The following AATF variants were observed in gnomAD, a reference collection of about 807,000 sequenced individuals.
The protein encoded by AATF is apoptosis antagonizing transcription factor.
In AATF, 48 loss-of-function variants were observed where a neutral mutation model predicts 63.7. The ratio of observed to expected loss-of-function variants is 0.75; its 90% CI spans 0.60 to 0.96. The LOEUF (loss-of-function observed/expected upper bound fraction) is 0.96. Among genes scored for constraint, AATF ranks in the 40% least tolerant of loss-of-function variants. The probability of loss-of-function intolerance (pLI) is 0.00; values close to 1 mark genes in which losing one functional copy is unlikely to be tolerated. For synonymous variants in AATF, 258 were observed against 247.7 expected (o/e 1.04, Z -0.39); for missense variants, 639 against 685.7 (o/e 0.93, Z 0.76).
chr17:36,998,388 T>C (rs536673365), intron 8 of AATF, among the ~76,000 whole-genome samples: 2 of 152,318 alleles, frequency 1.3e-5, no homozygotes, highest in East Asian at 3.9e-4. Context: ...CTTAGTGAAA[T>C]AGGACATTGA....
intron 10 of AATF, among the ~76,000 whole-genome samples, chr17:37,025,809 C>T (rs2071506532): frequency 6.6e-6 from 1 of 152,066 alleles, no homozygotes; most frequent in Non-Finnish European, 1.5e-5. Flanking sequence ...AGGGAAGCCC[C>T]ACAGTAATAA....
At chr17:37,051,149 C>T (rs2071745252) in intron 11 of AATF, 1 of 152,158 alleles carries the variant, frequency 6.6e-6, no homozygotes, top group Admixed American at 6.5e-5. Flanking sequence ...AATACTTGCT[C>T]GGAGACCATG....
intron 11 of AATF, among the ~76,000 whole-genome samples, chr17:37,042,308 T>C (rs2071647253): frequency 6.6e-6 from 1 of 152,070 alleles, no homozygotes; most frequent in Non-Finnish European, 1.5e-5. Flanking sequence ...CATCTGAATT[T>C]TTTTTCTTTT....
At chr17:37,004,381 G>A (rs2071326074) in intron 8 of AATF, among the ~76,000 whole-genome samples, 1 of 152,170 alleles carries the variant, frequency 6.6e-6, no homozygotes, top group Non-Finnish European at 1.5e-5. Context: ...AGTATAGACA[G>A]CTTTGAGGAG....
chr17:37,029,680 C>T (rs1437804816), intron 10 of AATF, among the ~76,000 whole-genome samples: 1 of 152,166 alleles, frequency 6.6e-6, no homozygotes, highest in African/African-American at 2.4e-5. Context: ...TTTCTCCTGC[C>T]TCAGCCTCCC....
intron 5 of AATF, among the ~76,000 whole-genome samples, chr17:36,987,511 T>C (rs1359950139): frequency 1.3e-5 from 2 of 152,224 alleles, no homozygotes; most frequent in Non-Finnish European, 2.9e-5. Flanking sequence ...ACCTGCTGTA[T>C]ATACCTGCTT....
At chr17:37,024,944 G>A (rs572338922) in intron 10 of AATF, among the ~76,000 whole-genome samples, 2 of 152,104 alleles carry the variant, frequency 1.3e-5, no homozygotes, top group African/African-American at 4.8e-5. Flanking sequence ...GAGTCACAGA[G>A]CGAGACCCTG....
intron 11 of AATF, chr17:37,056,353 AACTTACAGAAC>A: frequency 2.0e-6 from 1 of 494,316 alleles, no homozygotes; most frequent in Non-Finnish European, 3.6e-6. Flanking sequence ...GCAAAGGGCA[AACTTACAGAAC>A]ACTCATTCCC....
chr17:37,043,882 T>G (rs916918932), intron 11 of AATF, among the ~76,000 whole-genome samples: 14 of 152,178 alleles, frequency 9.2e-5, no homozygotes, highest in African/African-American at 3.4e-4. Flanking sequence ...TCTTTTTAAT[T>G]TTTTAATTTC....
chr17:37,011,035 G>A (rs1055533713), intron 8 of AATF, among the ~76,000 whole-genome samples: 1 of 152,218 alleles, frequency 6.6e-6, no homozygotes, highest in African/African-American at 2.4e-5. Context: ...CCTCAGGCAA[G>A]ACCATGTCTG....
chr17:36,986,347 C>A (rs2071168585), intron 4 of AATF, among the ~76,000 whole-genome samples: 1 of 152,140 alleles, frequency 6.6e-6, no homozygotes, highest in African/African-American at 2.4e-5. Context: ...TAAGAGCTGA[C>A]AATGTATTGG....
chr17:36,954,045 C>A, intron 4 of AATF, 138 bp downstream of exon 4: 1 of 840,436 alleles, frequency 1.2e-6, no homozygotes, highest in Non-Finnish European at 1.8e-6. Flanking sequence ...CCTCCCCATC[C>A]CCCTTGGCTT....
chr17:36,976,034 T>G (rs541760768), intron 4 of AATF, among the ~76,000 whole-genome samples: 1 of 152,340 alleles, frequency 6.6e-6, no homozygotes, highest in South Asian at 2.1e-4. Flanking sequence ...CTTCCTTTAG[T>G]GTCTCCACTG....
intron 10 of AATF, among the ~76,000 whole-genome samples, chr17:37,022,728 G>A (rs1432540750): frequency 2.0e-5 from 3 of 152,146 alleles, no homozygotes; most frequent in Admixed American, 2.0e-4. Context: ...TATCAGCCTT[G>A]AATGGTTGCT....
intron 8 of AATF, among the ~76,000 whole-genome samples, chr17:37,005,657 T>A (rs2071335943): frequency 6.6e-6 from 1 of 152,172 alleles, no homozygotes; most frequent in African/African-American, 2.4e-5. Context: ...TAAAAAATAG[T>A]AACTGAGCTG....
At chr17:37,001,858 A>C (rs1326322906) in intron 8 of AATF, among the ~76,000 whole-genome samples, 3 of 152,332 alleles carry the variant, frequency 2.0e-5, no homozygotes, top group South Asian at 4.1e-4. Flanking sequence ...TCCAAATTGG[A>C]AAGGATGAAG....
chr17:37,044,890 A>G (rs924835293), intron 11 of AATF, among the ~76,000 whole-genome samples: 4 of 152,176 alleles, frequency 2.6e-5, no homozygotes, highest in African/African-American at 4.8e-5. Flanking sequence ...TGCAGTTACT[A>G]TGGAGCATGA....
chr17:37,028,507 T>C (rs2071527491), intron 10 of AATF, among the ~76,000 whole-genome samples: 1 of 152,034 alleles, frequency 6.6e-6, no homozygotes, highest in Non-Finnish European at 1.5e-5. Flanking sequence ...AGAATTAGAC[T>C]GGGCATGGTG....
rs181512276 is a variant in AATF, at chr17:37,046,580, G to T, written c.1620-10021G>T. 3.5e-3 allele frequency among the ~76,000 whole-genome samples: 534 copies of T among 152,204 alleles called. 2 individuals are homozygous for T. Among genetic ancestry groups the T allele is most frequent in the Middle Eastern group, 0.034 (10 of 294 alleles). On this transcript the variant is annotated intron_variant, in intron 11 of 11. Coordinates refer to ENST00000619387, the MANE Select transcript of AATF (RefSeq NM_012138.4). The stretch of plus-strand genomic sequence containing the variant: ...TTCTTGTGCGTTTTGATTGGTACCC[G>T]ATTTCTAAGCAAAAGAAATCCTCCA...
Sources: allele counts gnomAD v4.1 joint callset (sites outside exome capture counted in the v4.1 genomes callset), GRCh38; gene constraint gnomAD v4.1.1; transcripts MANE v1.5; gene names NCBI Gene and HGNC (gene_info 2026-07-23, HGNC 2026-07-21).